Variants in NTRK3 observed in about 807,000 individuals in gnomAD.
NTRK3 encodes the protein neurotrophic receptor tyrosine kinase 3, also known as NT-3 growth factor receptor.
NTRK3 carries 24 observed loss-of-function variants against 91.7 expected under a neutral mutation model. The observed-to-expected ratio is 0.26, with a 90% confidence interval of 0.19 to 0.37. The LOEUF (loss-of-function observed/expected upper bound fraction) is 0.37, where lower values mean the gene tolerates loss of function less well. Ranked by LOEUF, NTRK3 falls within the 10% of genes least tolerant of loss-of-function variation. The pLI is 1.00. For missense variants in NTRK3, 880 were observed against 1,068.9 expected (o/e 0.82, Z 2.46); for synonymous variants, 483 against 404.0 (o/e 1.20, Z -2.34).
intron 17 of NTRK3, among the ~76,000 whole-genome samples, chr15:87,881,276 A>C (rs2065228729): frequency 6.6e-6 from 1 of 152,250 alleles, no homozygotes; most frequent in South Asian, 2.1e-4. Flanking sequence ...ATTAGTAAAT[A>C]GATTTTCAGG....
At chr15:88,159,076 TC>T (rs1177602207) in intron 5 of NTRK3, among the ~76,000 whole-genome samples, 8 of 152,096 alleles carry the variant, frequency 5.3e-5, no homozygotes, top group African/African-American at 1.9e-4. Flanking sequence ...GAAGCCAGGG[TC>T]CCCAAAGGCT....
intron 13 of NTRK3, among the ~76,000 whole-genome samples, chr15:88,126,011 A>G (rs1452027984): frequency 6.6e-6 from 1 of 152,226 alleles, no homozygotes; most frequent in Non-Finnish European, 1.5e-5. Context: ...TCCTCATTGC[A>G]TAAGCCCTTC....
chr15:87,929,557 C>T (rs1299801512), intron 16 of NTRK3, 123 bp from the exon 17 acceptor site: 20 of 1,232,704 alleles, frequency 1.6e-5, no homozygotes, highest in Non-Finnish European at 1.9e-5. Context: ...CCTTTCCATC[C>T]TGCCTATGGC....
At chr15:88,173,496 C>T (rs1026328907) in intron 5 of NTRK3, among the ~76,000 whole-genome samples, 1 of 152,234 alleles carries the variant, frequency 6.6e-6, no homozygotes, top group Non-Finnish European at 1.5e-5. Flanking sequence ...CCTGCTCGAT[C>T]ATCAGGCTCC....
At chr15:88,009,527 G>C (rs1175914199) in intron 14 of NTRK3, among the ~76,000 whole-genome samples, 1 of 152,226 alleles carries the variant, frequency 6.6e-6, no homozygotes, top group African/African-American at 2.4e-5. Context: ...GAAATGCAGA[G>C]ATTTTTTTGT....
chr15:87,945,803 GAAAAAAAAAAA>G (rs34162356), intron 14 of NTRK3, among the ~76,000 whole-genome samples: 8 of 106,762 alleles, frequency 7.5e-5, no homozygotes, highest in South Asian at 6.1e-4. Context: ...TGAAGACTGG[GAAAAAAAAAAA>G]AAAAAAAAAA....
At chr15:88,239,918 G>T (rs1035063831) in intron 3 of NTRK3, among the ~76,000 whole-genome samples, 3 of 152,112 alleles carry the variant, frequency 2.0e-5, no homozygotes, top group African/African-American at 7.2e-5. Flanking sequence ...CCAAACTTCG[G>T]AATCAGAAAC....
At chr15:87,958,263 G>A (rs1297539317) in intron 14 of NTRK3, among the ~76,000 whole-genome samples, 3 of 148,654 alleles carry the variant, frequency 2.0e-5, no homozygotes, top group South Asian at 2.1e-4. Flanking sequence ...CAACAAAAGC[G>A]AGAACTCTGA....
chr15:88,012,804 C>T (rs972679691), intron 14 of NTRK3, among the ~76,000 whole-genome samples: 2 of 152,210 alleles, frequency 1.3e-5, no homozygotes, highest in Non-Finnish European at 2.9e-5. Flanking sequence ...TGATGTGCAT[C>T]GGAATCACCC....
intron 17 of NTRK3, chr15:87,908,596 G>T: frequency 2.5e-6 from 1 of 399,590 alleles, no homozygotes; most frequent in Non-Finnish European, 4.4e-6. Context: ...AGTGGGAAGG[G>T]GGAGAGAGAA....
intron 18 of NTRK3, among the ~76,000 whole-genome samples, chr15:87,877,888 C>T (rs528186465): frequency 7.9e-5 from 12 of 151,912 alleles, no homozygotes; most frequent in Admixed American, 1.3e-4. Context: ...AATGAGACCA[C>T]GAAAAGGGAC....
At chr15:87,918,019 GT>G (rs1487476592) in intron 17 of NTRK3, among the ~76,000 whole-genome samples, 2 of 150,950 alleles carry the variant, frequency 1.3e-5, no homozygotes, top group African/African-American at 4.9e-5. Flanking sequence ...TTTTGTATTT[GT>G]TTGTTTGTTT....
intron 13 of NTRK3, among the ~76,000 whole-genome samples, chr15:88,049,237 C>T: frequency 6.6e-6 from 1 of 152,156 alleles, no homozygotes; most frequent in East Asian, 1.9e-4. Context: ...CATAGTATGC[C>T]TAGTCTATTT....
At chr15:88,157,722 T>C (rs1349735828) in intron 5 of NTRK3, among the ~76,000 whole-genome samples, 4 of 151,836 alleles carry the variant, frequency 2.6e-5, no homozygotes, top group Admixed American at 6.6e-5. Flanking sequence ...CCAGGAGGAC[T>C]TGGGAGAGGA....
At chr15:88,076,723 A>G (rs2047578148) in intron 13 of NTRK3, among the ~76,000 whole-genome samples, 1 of 152,116 alleles carries the variant, frequency 6.6e-6, no homozygotes, top group Non-Finnish European at 1.5e-5. Flanking sequence ...GCAATGAAGG[A>G]AAAGTACAGT....
intron 17 of NTRK3, 30 bp from the exon 18 acceptor site, chr15:87,885,765 AT>A (rs2141516733): frequency 9.5e-7 from 1 of 1,057,124 alleles, no homozygotes. Flanking sequence ...CAATAATAAT[AT>A]TAGAAGAAAA....
chr15:88,090,724 C>T (rs1055896823), intron 13 of NTRK3, among the ~76,000 whole-genome samples: 1 of 152,178 alleles, frequency 6.6e-6, no homozygotes, highest in South Asian at 2.1e-4. Flanking sequence ...TCCCTCAATC[C>T]TCCTTACCCC....
At position 88,237,778 on chromosome 15, in the gene NTRK3, A is replaced by C. The variant is rs1278965493; in HGVS notation, c.248+18128T>G. ...ACACACCAAAATAAAATGAGAAAAA[A>C]AAAATCAGCCTTGATGAACTTCCAC... On this transcript the variant is annotated intron_variant, in intron 3 of 18. Coordinates refer to ENST00000394480, the Ensembl canonical transcript of NTRK3. This position sits in a 1 kb window ranked among gnomAD's most constrained non-coding sequence, Gnocchi z 4.0. Among the ~76,000 whole-genome samples the C allele has an allele frequency of 6.6e-6, 1 of 152,226 alleles. No individual in the cohort carries two copies. Among genetic ancestry groups the C allele is most frequent in the Non-Finnish European group, 1.5e-5 (1 of 68,046 alleles).
At chr15:88,021,658 C>G (rs2077603347) in intron 14 of NTRK3, among the ~76,000 whole-genome samples, 1 of 152,076 alleles carries the variant, frequency 6.6e-6, no homozygotes, top group African/African-American at 2.4e-5. Context: ...TTAAAGGCAG[C>G]TGGAGAGAAG....
Sources: allele counts gnomAD v4.1 joint callset (sites outside exome capture counted in the v4.1 genomes callset), GRCh38; gene constraint gnomAD v4.1.1; non-coding constraint Gnocchi (gnomAD v3.1); transcripts MANE v1.5; gene names NCBI Gene and HGNC (gene_info 2026-07-23, HGNC 2026-07-21).